Variants in EXOC6B observed in about 807,000 individuals in gnomAD.
EXOC6B encodes the protein exocyst complex component 6B, also known as SEC15 homolog B.
EXOC6B carries 54 observed loss-of-function variants against 113.5 expected under a neutral mutation model. The ratio of observed to expected loss-of-function variants is 0.48; its 90% CI spans 0.38 to 0.60. EXOC6B has a LOEUF of 0.60. EXOC6B is among the 20% of genes least tolerant of loss of function. The probability of loss-of-function intolerance (pLI) is 0.00; values close to 1 mark genes in which losing one functional copy is unlikely to be tolerated. For synonymous variants in EXOC6B, 357 were observed against 339.0 expected (o/e 1.05, Z -0.58); for missense variants, 797 against 977.5 (o/e 0.82, Z 2.46).
At chr2:72,719,410 A>G (rs1264974067) in intron 5 of EXOC6B, among the ~76,000 whole-genome samples, 3 of 152,374 alleles carry the variant, frequency 2.0e-5, no homozygotes, top group African/African-American at 4.8e-5. Flanking sequence ...AAAGACCTAC[A>G]GAAGGGCTTG....
rs185654283 is a variant in EXOC6B at position 72,414,212 on chromosome 2, G to A, written c.1981-34342C>T. ...AGTGAGTCAGTTTTTGAGATCTCTT[G>A]GTGTCCTTTCCCTGACATTAAGAGA... On this transcript the variant is annotated intron_variant, in intron 18 of 21. Transcript: ENST00000272427. 7.2e-5 allele frequency among the ~76,000 whole-genome samples: 11 copies of A among 152,210 alleles called. No homozygotes were observed. The East Asian group carries it at 2.1e-3, about 29-fold the overall frequency.
At position 72,575,477 on chromosome 2, in the gene EXOC6B, T is replaced by C. The variant is rs768542050; in HGVS notation, c.846+15A>G. On this transcript the variant is annotated intron_variant, in intron 7 of 21. Coordinates refer to ENST00000272427, the MANE Select transcript of EXOC6B (RefSeq NM_015189.3). The stretch of plus-strand genomic sequence containing the variant: ...TTAAAAATAGTCTCACTTCCCAACA[T>C]CAAATGTTACTTACCTCTTCATCAT... The C allele has an allele frequency of 3.1e-5, 50 of 1,597,452 alleles. No individual in the cohort carries two copies. In the South Asian group the frequency reaches 5.4e-4, roughly 17 times the overall value.
At chr2:72,278,531 C>G (rs997728211) in intron 20 of EXOC6B, among the ~76,000 whole-genome samples, 4 of 152,166 alleles carry the variant, frequency 2.6e-5, no homozygotes, top group Non-Finnish European at 5.9e-5. Context: ...CCTTCTCAAT[C>G]AACAATCAGC....
intron 7 of EXOC6B, among the ~76,000 whole-genome samples, chr2:72,566,042 C>T (rs775010367): frequency 4.0e-5 from 6 of 151,442 alleles, no homozygotes; most frequent in African/African-American, 9.7e-5. Context: ...AAGTGTTTTG[C>T]GTATGGTAAA....
chr2:72,179,581 A>G, intron 21 of EXOC6B, 120 bp from the exon 22 acceptor site: 1 of 1,156,542 alleles, frequency 8.6e-7, no homozygotes, highest in South Asian at 1.3e-5. Flanking sequence ...GAGAGAGTCC[A>G]GAATATCTCC....
chr2:72,507,493 A>C (rs1025632889), intron 11 of EXOC6B, among the ~76,000 whole-genome samples: 2 of 152,076 alleles, frequency 1.3e-5, no homozygotes, highest in African/African-American at 4.8e-5. Context: ...ATCATAGTCA[A>C]ACTTTGGAAA....
At chr2:72,506,794 A>G (rs1700618859) in intron 11 of EXOC6B, among the ~76,000 whole-genome samples, 1 of 152,098 alleles carries the variant, frequency 6.6e-6, no homozygotes, top group Non-Finnish European at 1.5e-5. Context: ...CAAATATTTT[A>G]TGACTCTTGG....
chr2:72,659,339 CA>C (rs980910069), intron 6 of EXOC6B, among the ~76,000 whole-genome samples: 1 of 151,932 alleles, frequency 6.6e-6, no homozygotes. Flanking sequence ...CAACTGACCT[CA>C]AAAAAAGAAG....
At chr2:72,367,462 T>C (rs564074526) in intron 19 of EXOC6B, among the ~76,000 whole-genome samples, 1 of 152,320 alleles carries the variant, frequency 6.6e-6, no homozygotes, top group Admixed American at 6.5e-5. Flanking sequence ...AATAAGATGG[T>C]AGAATATATG....
chr2:72,741,602 G>T (rs1240901843), intron 1 of EXOC6B, 133 bp from the exon 2 acceptor site: 34 of 648,352 alleles, frequency 5.2e-5, no homozygotes, highest in Non-Finnish European at 7.5e-5. Flanking sequence ...ATGCCTTATT[G>T]TTAAATGAGT....
chr2:72,496,687 C>A, intron 13 of EXOC6B, 128 bp from the exon 14 acceptor site: 1 of 664,480 alleles, frequency 1.5e-6, no homozygotes, highest in South Asian at 1.6e-5. Flanking sequence ...AATATATATG[C>A]CACAACCCAA....
intron 8 of EXOC6B, among the ~76,000 whole-genome samples, chr2:72,523,967 C>T (rs1252600437): frequency 6.6e-6 from 1 of 151,358 alleles, no homozygotes; most frequent in African/African-American, 2.4e-5. Flanking sequence ...GACAACCATA[C>T]AAAGAACAAG....
intron 18 of EXOC6B, among the ~76,000 whole-genome samples, chr2:72,413,899 G>T (rs181695216): frequency 6.6e-6 from 1 of 152,236 alleles, no homozygotes; most frequent in East Asian, 1.9e-4. Context: ...CTCAGTCTAA[G>T]ATCAGTTTAG....
rs1405407083 is a variant in EXOC6B, at chr2:72,378,461, T to C, written c.2122+1268A>G. Among the ~76,000 whole-genome samples the C allele has an allele frequency of 2.0e-5, 3 of 152,204 alleles. No individual in the cohort carries two copies. In the East Asian group the frequency reaches 5.8e-4, roughly 29 times the overall value. On this transcript the variant is annotated intron_variant, in intron 19 of 21. Coordinates refer to ENST00000272427, the MANE Select transcript of EXOC6B (RefSeq NM_015189.3). ...GAGAATGGCAAGATTACCTTATGTG[T>C]TTCCCCTTCTTTGAAGGATCACAGC...
chr2:72,731,997 ATTTG>A (rs1389772970), intron 3 of EXOC6B, among the ~76,000 whole-genome samples: 1 of 152,214 alleles, frequency 6.6e-6, no homozygotes, highest in African/African-American at 2.4e-5. Context: ...ACAGCAAATC[ATTTG>A]TTTTAGTTTC....
At chr2:72,584,013 G>A (rs766232302) in intron 6 of EXOC6B, among the ~76,000 whole-genome samples, 3 of 151,918 alleles carry the variant, frequency 2.0e-5, no homozygotes, top group African/African-American at 4.8e-5. Context: ...TGAACCATCC[G>A]CACCCGGCCC....
At chr2:72,366,397 G>A (rs1007857267) in intron 19 of EXOC6B, among the ~76,000 whole-genome samples, 1 of 151,992 alleles carries the variant, frequency 6.6e-6, no homozygotes, top group Admixed American at 6.6e-5. Flanking sequence ...CCAAAATGAA[G>A]TGCATAAAGA....
At chr2:72,414,187 A>G (rs1221584955) in intron 18 of EXOC6B, among the ~76,000 whole-genome samples, 1 of 152,190 alleles carries the variant, frequency 6.6e-6, no homozygotes, top group African/African-American at 2.4e-5. Flanking sequence ...CAATTTTACA[A>G]GTGAGTCAGT....
At chr2:72,822,166 AT>A (rs1686618475) in intron 1 of EXOC6B, among the ~76,000 whole-genome samples, 1 of 152,216 alleles carries the variant, frequency 6.6e-6, no homozygotes, top group Non-Finnish European at 1.5e-5. Flanking sequence ...ACAGGGAGCT[AT>A]TGTTCATAAA....
Sources: allele counts gnomAD v4.1 joint callset (sites outside exome capture counted in the v4.1 genomes callset), GRCh38; gene constraint gnomAD v4.1.1; transcripts MANE v1.5; gene names NCBI Gene and HGNC (gene_info 2026-07-23, HGNC 2026-07-21).